Variants in CDKN1B observed in about 807,000 individuals in gnomAD.
The protein encoded by CDKN1B is cyclin-dependent kinase inhibitor 1B.
In CDKN1B, 7 loss-of-function variants were observed where a neutral mutation model predicts 17.1. The observed-to-expected ratio is 0.41, with a 90% CI of 0.23 to 0.77. The LOEUF (loss-of-function observed/expected upper bound fraction) is 0.77. CDKN1B is among the 30% of genes least tolerant of loss of function. The pLI is 0.33. For missense variants in CDKN1B, 337 were observed against 262.0 expected (o/e 1.29, Z -1.98); for synonymous variants, 149 against 104.3 (o/e 1.43, Z -2.61).
chr12:12,718,752 GC>G, intron 1 of CDKN1B, 72 bp from the exon 2 acceptor site: 1 of 1,581,842 alleles, frequency 6.3e-7, no homozygotes. Context: ...TGACTATGGG[GC>G]CAACTTCTGC....
Position 12,717,558 on chromosome 12 carries a change from G to C in CDKN1B, c.-282G>C. ...CTTGCACCCGCCCAGACTCGGACGG[G>C]CTTTGCCACCCTCTCCGCTTGCCTG... On this transcript the variant is annotated 5_prime_UTR_variant, in exon 1 of 3. Transcript: ENST00000228872. 1 of 1,410,208 alleles carries C rather than the reference G, an allele frequency of 7.1e-7. No individual in the cohort carries two copies. The highest frequency in any genetic ancestry group is 9.2e-7 in the Non-Finnish European group (1 of 1,084,438). 87.4% of individuals were successfully genotyped at this position (1,410,208 alleles called of 1,614,324 possible).
chr12:12,719,045 C>T, intron 2 of CDKN1B, 91 bp downstream of exon 2: 2 of 1,536,322 alleles, frequency 1.3e-6, no homozygotes, highest in South Asian at 1.1e-5. Flanking sequence ...AAATTAAAAG[C>T]TTATGGGGTT....
Position 12,721,315 on chromosome 12 carries a change from C to G in CDKN1B, c.*288C>G. The G allele has an allele frequency of 1.5e-5, 3 of 194,584 alleles. No homozygotes were observed. The highest frequency in any genetic ancestry group is 3.4e-5 in the Non-Finnish European group (3 of 88,472). 12.1% of individuals were successfully genotyped at this position (194,584 alleles called of 1,614,324 possible). On this transcript the variant is annotated 3_prime_UTR_variant, in exon 3 of 3. Transcript: ENST00000228872. Reference sequence around the variant, plus strand: ...TTTTACCTTTTATGTAGCACATAAACTTTGGGGAAGGGAGGGCAGGGTGGG... The same window carrying G: ...TTTTACCTTTTATGTAGCACATAAAGTTTGGGGAAGGGAGGGCAGGGTGGG...
rs766315004 is a variant in CDKN1B at position 12,718,935 on chromosome 12, C to T, written c.586C>T (p.Arg196Cys). 6.2e-6 allele frequency: 10 copies of T among 1,613,918 alleles called. No homozygotes were observed. The highest frequency in any genetic ancestry group is 1.1e-5 in the South Asian group (1 of 91,088). The change falls in exon 2 of 3, where the codon CGT (arginine) becomes TGT (cysteine). Residue 196 changes from arginine to cysteine, a missense_variant. Transcript: ENST00000228872. ...GCCCAAGAAGCCTGGCCTCAGAAGA[C>T]GTCAAACGTAAACAGCTCGGTGGGT... ...QTPKKPGLRR[R>C]QT
At chr12:12,718,394 T>C in intron 1 of CDKN1B, 80 bp downstream of exon 1, 3 of 1,289,582 alleles carry the variant, frequency 2.3e-6, no homozygotes, top group Non-Finnish European at 3.3e-6. Flanking sequence ...AGCTTGCTTT[T>C]CGGCGTATTC....
intron 2 of CDKN1B, among the ~76,000 whole-genome samples, chr12:12,720,541 C>T (rs28536651): frequency 6.0e-4 from 91 of 152,090 alleles, no homozygotes; most frequent in African/African-American, 2.0e-3. Flanking sequence ...AAAATTTTTA[C>T]CCGTAAGTAT....
rs780124638 is a variant in CDKN1B at position 12,717,849 on chromosome 12, G to A, written c.10G>A (p.Val4Met). 1.2e-6 allele frequency: 2 copies of A among 1,613,118 alleles called. No homozygotes were observed. The highest frequency in any genetic ancestry group is 1.7e-6 in the Non-Finnish European group (2 of 1,180,002). The part of the protein sequence containing the change: MSN[V>M]RVSNGSPSLE... ...CAGACCCGGGAGAAAGATGTCAAAC[G>A]TGCGAGTGTCTAACGGGAGCCCTAG... The change falls in exon 1 of 3, where the codon GTG (valine) becomes ATG (methionine). Residue 4 changes from valine (V) to methionine (M), a missense_variant. Coordinates refer to ENST00000228872, the MANE Select transcript of CDKN1B (RefSeq NM_004064.5).
In CDKN1B at chr12:12,717,377, C is replaced by T. The variant is rs1467449375; in HGVS notation, c.-463C>T. On this transcript the variant is annotated 5_prime_UTR_variant, in exon 1 of 3. Coordinates refer to ENST00000228872, the MANE Select transcript of CDKN1B (RefSeq NM_004064.5). Reference sequence around the variant, plus strand: ...CCGTGTCAATCATTTTCTTCTTCGTCAGCCTCCCTTCCACCGCCATATTGG... The same window carrying T: ...CCGTGTCAATCATTTTCTTCTTCGTTAGCCTCCCTTCCACCGCCATATTGG... 3 of 1,140,620 alleles carry T rather than the reference C, an allele frequency of 2.6e-6. No homozygotes were observed. The highest frequency in any genetic ancestry group is 9.0e-5 in the Admixed American group (2 of 22,136). The allele number at this position is 1,140,620 out of a possible 1,614,324, so 70.7% of individuals were successfully genotyped here. A position where few individuals can be genotyped will look rare whatever the true frequency, so the allele number is the denominator to read the frequency against.
rs79141596 is a variant in CDKN1B at position 12,721,286 on chromosome 12, T to C, written c.*259T>C. The C allele has an allele frequency of 3.0e-5, 17 of 558,988 alleles. No homozygotes were observed. In the African/African-American group the frequency reaches 3.3e-4, roughly 11 times the overall value. The allele number at this position is 558,988 out of a possible 1,614,324, so 34.6% of individuals were successfully genotyped here. On this transcript the variant is annotated 3_prime_UTR_variant, in exon 3 of 3. Transcript: ENST00000228872. ...TGCTTCATTGTACTACCTGTGTATA[T>C]AGTTTTTACCTTTTATGTAGCACAT... is the stretch of plus-strand genomic sequence containing the variant.
At chr12:12,720,045 G>T (rs899809797) in intron 2 of CDKN1B, among the ~76,000 whole-genome samples, 2 of 152,156 alleles carry the variant, frequency 1.3e-5, no homozygotes, top group African/African-American at 4.8e-5. Flanking sequence ...TGAGATTCAG[G>T]TTTGTTGTGT....
intron 2 of CDKN1B, among the ~76,000 whole-genome samples, chr12:12,720,373 TTTC>T (rs1397433569): frequency 6.6e-6 from 1 of 152,230 alleles, no homozygotes; most frequent in Non-Finnish European, 1.5e-5. Context: ...TCATGAGTAT[TTTC>T]TGCATATGAA....
rs1565419213 is a variant in CDKN1B at position 12,717,807 on chromosome 12, C to T, written c.-33C>T. 2 of 1,609,072 alleles carry T rather than the reference C, an allele frequency of 1.2e-6. No individual in the cohort carries two copies. The highest frequency in any genetic ancestry group is 2.2e-5 in the East Asian group (1 of 44,878). ...GTTCGGTTTTGTTTTTTTGAGAGTG[C>T]GAGAGAGGCGGTCGTGCAGACCCGG... On this transcript the variant is annotated 5_prime_UTR_variant, in exon 1 of 3. Coordinates refer to ENST00000228872, the MANE Select transcript of CDKN1B (RefSeq NM_004064.5).
rs774332981 is a variant in CDKN1B, at chr12:12,718,849, C to T, written c.500C>T (p.Ala167Val). The change falls in exon 2 of 3, where the codon GCC becomes GTC. Residue 167 changes from alanine (A) to valine (V), a missense_variant. Physicochemically the swap from Ala to Val is moderately conservative, Grantham distance 64. Coordinates refer to ENST00000228872, the MANE Select transcript of CDKN1B (RefSeq NM_004064.5). Reference sequence around the variant, plus strand: ...GATTCTTCTACTCAAAACAAAAGAGCCAACAGAACAGAAGAAAATGTTTCA... The same window carrying T: ...GATTCTTCTACTCAAAACAAAAGAGTCAACAGAACAGAAGAAAATGTTTCA... ...TDDSSTQNKR[A>V]NRTEENVSDG... 6 of 1,614,054 alleles carry T rather than the reference C, an allele frequency of 3.7e-6. No homozygotes were observed. In the South Asian group the frequency reaches 6.6e-5, roughly 18 times the overall value.
chr12:12,719,924 C>T (rs1343445494), intron 2 of CDKN1B, among the ~76,000 whole-genome samples: 3 of 152,148 alleles, frequency 2.0e-5, no homozygotes, highest in African/African-American at 7.2e-5. Flanking sequence ...AAGACTGTGA[C>T]CTCTTTATTT....
chr12:12,720,654 A>G (rs962650276), intron 2 of CDKN1B, among the ~76,000 whole-genome samples: 2 of 152,124 alleles, frequency 1.3e-5, no homozygotes, highest in Admixed American at 6.5e-5. Flanking sequence ...TGGGCCGAAT[A>G]ATTCTGTTGT....
rs1283849853 is a variant in CDKN1B, at chr12:12,721,861, CAAAAT to C, written c.*837_*841del. 1 of 152,102 alleles carries C rather than the reference CAAAAT, an allele frequency of 6.6e-6. No homozygotes were observed. The highest frequency in any genetic ancestry group is 1.5e-5 in the Non-Finnish European group (1 of 68,008). The allele number at this position is 152,102 out of a possible 1,614,324, so 9.4% of individuals were successfully genotyped here. A position where few individuals can be genotyped will look rare whatever the true frequency, so the allele number is the denominator to read the frequency against. On this transcript the variant is annotated 3_prime_UTR_variant, in exon 3 of 3. Transcript: ENST00000228872. ...TCACTTCGGGCTGTGTAAACACAGT[CAAAAT>C]AATTCTAAATCCCTCGATATTTTTA... is the stretch of plus-strand genomic sequence containing the variant.
Position 12,721,994 on chromosome 12 carries a change from C to T in CDKN1B, c.*967C>T, listed in dbSNP as rs573579359. ...AAAGTGTTATTTTTCAAGGAAGGTT[C>T]ATGTAGAGAAAAGCACACTTGTAGG... On this transcript the variant is annotated 3_prime_UTR_variant, in exon 3 of 3. Transcript: ENST00000228872. 1 of 152,302 alleles carries T rather than the reference C, an allele frequency of 6.6e-6. No individual in the cohort carries two copies. Among genetic ancestry groups the T allele is most frequent in the South Asian group, 2.1e-4 (1 of 4,824 alleles). The allele number at this position is 152,302 out of a possible 1,614,324, so 9.4% of individuals were successfully genotyped here.
intron 2 of CDKN1B, 68 bp downstream of exon 2, chr12:12,719,022 A>C: frequency 6.3e-7 from 1 of 1,589,658 alleles, no homozygotes; most frequent in Non-Finnish European, 8.6e-7. Context: ...ACCTGATCTT[A>C]CTGGTTGCTG....
At chr12:12,719,783 A>G (rs1232975386) in intron 2 of CDKN1B, among the ~76,000 whole-genome samples, 1 of 152,132 alleles carries the variant, frequency 6.6e-6, no homozygotes. Flanking sequence ...GGAAGTGGAG[A>G]TTTTTCCATG....
Sources: gnomAD v4.1 joint callset for allele counts (sites outside exome capture counted in the v4.1 genomes callset) on GRCh38, gnomAD v4.1.1 for gene constraint, MANE v1.5 for transcripts, NCBI Gene and HGNC (gene_info 2026-07-23, HGNC 2026-07-21) for gene names.